Variants in CLU observed in about 807,000 individuals in gnomAD.
CLU encodes the protein aging-associated protein 4.
CLU carries 25 observed loss-of-function variants against 46.4 expected under a neutral mutation model. That is an observed-to-expected ratio of 0.54 (90% CI 0.39 to 0.75). The LOEUF is 0.75. Among genes scored for constraint, CLU ranks in the 30% least tolerant of loss-of-function variants. The probability of loss-of-function intolerance (pLI) is 0.00; values close to 1 mark genes in which losing one functional copy is unlikely to be tolerated. For synonymous variants in CLU, 235 were observed against 235.1 expected (o/e 1.00, Z 0.00); for missense variants, 504 against 592.1 (o/e 0.85, Z 1.54).
At chr8:27,611,133 G>A (rs760154277) in intron 1 of CLU, 1 of 448,118 alleles carries the variant, frequency 2.2e-6, no homozygotes, top group South Asian at 1.6e-5. Flanking sequence ...CCCCCAGGGA[G>A]TCTCAGCACC....
At position 27,596,959 on chromosome 8, in the gene CLU, ATACTT is replaced by A. The variant is rs1367604491; in HGVS notation, c.*1277_*1281del. 33 of 453,956 alleles carry A rather than the reference ATACTT, an allele frequency of 7.3e-5. No homozygotes were observed. The East Asian group carries it at 2.1e-3, about 29-fold the overall frequency. 28.1% of individuals were successfully genotyped at this position (453,956 alleles called of 1,614,324 possible). A position where few individuals can be genotyped will look rare whatever the true frequency, so the allele number is the denominator to read the frequency against. On this transcript the variant is annotated 3_prime_UTR_variant, in exon 9 of 9. Coordinates refer to ENST00000316403, the MANE Select transcript of CLU (RefSeq NM_001831.4). ...TGACATTAATGTGACAATGTGACAT[ATACTT>A]TACAATTATGATCACTTAAGCAAAT...
In CLU at chr8:27,597,083, AC is replaced by A; in HGVS notation, c.*1157del. 2.2e-6 allele frequency: 1 copy of A among 454,074 alleles called. No homozygotes were observed. The highest frequency in any genetic ancestry group is 4.4e-6 in the Non-Finnish European group (1 of 226,796). 28.1% of individuals were successfully genotyped at this position (454,074 alleles called of 1,614,324 possible). ...CCTTGACAGCCATGCTAAAATACTT[AC>A]CTTGGACATAAGCTAAGCTTTAAGT... On this transcript the variant is annotated 3_prime_UTR_variant, in exon 9 of 9. Coordinates refer to ENST00000316403, the MANE Select transcript of CLU (RefSeq NM_001831.4).
Position 27,597,953 on chromosome 8 carries a change from C to T in CLU, c.*288G>A, listed in dbSNP as rs528886407. The T allele has an allele frequency of 4.7e-5, 30 of 637,382 alleles. No individual in the cohort carries two copies. Among genetic ancestry groups the T allele is most frequent in the African/African-American group, 7.2e-5 (4 of 55,768 alleles). 39.5% of individuals were successfully genotyped at this position (637,382 alleles called of 1,614,324 possible). A position where few individuals can be genotyped will look rare whatever the true frequency, so the allele number is the denominator to read the frequency against. ...CCCCCATAGCAAAATGAAGGCATGC[C>T]GGGAAGCAGCAACTCAACATAAAAA... On this transcript the variant is annotated 3_prime_UTR_variant, in exon 9 of 9. Coordinates refer to ENST00000316403, the MANE Select transcript of CLU (RefSeq NM_001831.4).
intron 1 of CLU, among the ~76,000 whole-genome samples, chr8:27,612,767 C>G (rs1283082526): frequency 1.3e-5 from 2 of 152,012 alleles, no homozygotes; most frequent in Non-Finnish European, 2.9e-5. Flanking sequence ...CTCCTGGGAG[C>G]CTGGCTGCCA....
At chr8:27,609,286 C>T (rs1800880060) in intron 2 of CLU, among the ~76,000 whole-genome samples, 200 bp from the exon 3 acceptor site, 1 of 152,144 alleles carries the variant, frequency 6.6e-6, no homozygotes, top group Admixed American at 6.5e-5. Context: ...GCTGACTGCA[C>T]CCTACTGCTT....
intron 6 of CLU, 115 bp from the exon 7 acceptor site, chr8:27,600,124 C>T (rs1800694375): frequency 2.5e-6 from 2 of 797,504 alleles, no homozygotes; most frequent in Non-Finnish European, 4.3e-6. Context: ...CAGTGCTTCC[C>T]TAAGGGAAGG....
intron 6 of CLU, among the ~76,000 whole-genome samples, chr8:27,602,600 CAA>C (rs780867922): frequency 0.011 from 1,119 of 103,668 alleles, 13 homozygotes; most frequent in African/African-American, 0.031. Context: ...GACCCTGTCT[CAA>C]AAAAAAAAAA....
intron 3 of CLU, 38 bp downstream of exon 3, chr8:27,608,900 A>T: frequency 6.2e-7 from 1 of 1,612,372 alleles, no homozygotes; most frequent in East Asian, 2.2e-5. Context: ...CTCCAGTGGG[A>T]TGGTCAAGGC....
intron 1 of CLU, chr8:27,610,876 G>A: frequency 4.6e-6 from 2 of 431,256 alleles, no homozygotes; most frequent in South Asian, 4.2e-5. Flanking sequence ...GAGGAACCAG[G>A]CTCTTGTCCA....
intron 8 of CLU, 73 bp from the exon 9 acceptor site, chr8:27,598,323 C>CTGGCTT: frequency 1.2e-6 from 2 of 1,602,822 alleles, no homozygotes; most frequent in Non-Finnish European, 1.7e-6. Flanking sequence ...CCGTAACTTC[C>CTGGCTT]TGGCTTTGTT....
At chr8:27,613,935 A>G (rs1362452634) in intron 1 of CLU, 1 of 152,226 alleles carries the variant, frequency 6.6e-6, no homozygotes, top group Non-Finnish European at 1.5e-5. Flanking sequence ...TGGAAGGTCA[A>G]GAGGCTTTGG....
chr8:27,612,708 C>G (rs575889616), intron 1 of CLU, among the ~76,000 whole-genome samples: 27 of 152,058 alleles, frequency 1.8e-4, no homozygotes, highest in African/African-American at 6.5e-4. Flanking sequence ...ACTGCACAGC[C>G]GACCTCCTTT....
chr8:27,610,051 A>G (rs984628310), intron 2 of CLU, among the ~76,000 whole-genome samples: 1 of 152,244 alleles, frequency 6.6e-6, no homozygotes, highest in South Asian at 2.1e-4. Context: ...ACTCACACCC[A>G]TGTCTGATCT....
chr8:27,604,316 G>T lies in CLU; in HGVS notation c.909C>A (p.Asp303Glu). 1 of 1,614,030 alleles carries T rather than the reference G, an allele frequency of 6.2e-7. No homozygotes were observed. The highest frequency in any genetic ancestry group is 8.5e-7 in the Non-Finnish European group (1 of 1,179,948). ...CCACAGACAAGATCTCCCGGCACTT[G>T]TCACACTGGTCCTTCATCCGCAGGC... The part of the protein sequence containing the change: ...TGCLRMKDQC[D>E]KCREILSVDC... The change falls in exon 6 of 9, where the codon GAC becomes GAA. Residue 303 changes from aspartate (D) to glutamate (E), a missense_variant. Physicochemically the swap from Asp to Glu is conservative, Grantham distance 45. Transcript: ENST00000316403.
rs996496989 is a variant in CLU at position 27,599,220 on chromosome 8, G to A, written c.1164+560C>T. 1.3e-4 allele frequency: 21 copies of A among 162,806 alleles called. No individual in the cohort carries two copies. Among genetic ancestry groups the A allele is most frequent in the African/African-American group, 4.8e-4 (20 of 41,580 alleles). 10.1% of individuals were successfully genotyped at this position (162,806 alleles called of 1,614,324 possible). ...GTGCCACCACACCTGACTGATTTTT[G>A]TATTTTTTGTAGAGAGGGAATCTTG... On this transcript the variant is annotated intron_variant, in intron 7 of 8. Transcript: ENST00000316403. This position sits in a 1 kb window ranked among gnomAD's most constrained non-coding sequence, Gnocchi z 4.0.
intron 1 of CLU, 191 bp from the exon 2 acceptor site, chr8:27,610,791 G>A (rs917381595): frequency 4.5e-5 from 26 of 579,038 alleles, no homozygotes; most frequent in African/African-American, 3.2e-4. Flanking sequence ...GAATGAAAGC[G>A]AAGGCAGGAG....
intron 3 of CLU, among the ~76,000 whole-genome samples, chr8:27,607,732 G>T (rs1800846631): frequency 7.1e-6 from 1 of 139,968 alleles, no homozygotes; most frequent in South Asian, 2.5e-4. Flanking sequence ...CTCTATGAAT[G>T]AGTGTGTTAG....
chr8:27,610,866 G>T, intron 1 of CLU: 2 of 445,224 alleles, frequency 4.5e-6, no homozygotes, highest in South Asian at 4.2e-5. Flanking sequence ...CCTGGCATCG[G>T]AGGAACCAGG....
At chr8:27,603,829 G>T (rs1179728792) in intron 6 of CLU, among the ~76,000 whole-genome samples, 2 of 152,180 alleles carry the variant, frequency 1.3e-5, no homozygotes, top group African/African-American at 4.8e-5. Context: ...TCATTCTGAG[G>T]AAATGAGGAA....
Sources: allele counts gnomAD v4.1 joint callset (sites outside exome capture counted in the v4.1 genomes callset), GRCh38; gene constraint gnomAD v4.1.1; non-coding constraint Gnocchi (gnomAD v3.1); transcripts MANE v1.5; gene names NCBI Gene and HGNC (gene_info 2026-07-23, HGNC 2026-07-21).